Variants in HSPA4 observed in about 807,000 individuals in gnomAD.
The protein encoded by HSPA4 is heat shock 70 kDa protein 4.
In HSPA4, 25 loss-of-function variants were observed where a neutral mutation model predicts 106.2. That is an observed-to-expected ratio of 0.24 (90% confidence interval 0.17 to 0.33). HSPA4 has a LOEUF of 0.33. Ranked by LOEUF, HSPA4 falls within the 10% of genes least tolerant of loss-of-function variation. HSPA4 has a pLI of 1.00. For missense variants in HSPA4, 841 were observed against 996.0 expected (o/e 0.84, Z 2.10); for synonymous variants, 332 against 333.6 (o/e 1.00, Z 0.05).
intron 2 of HSPA4, among the ~76,000 whole-genome samples, chr5:133,067,118 A>G (rs1581467350): frequency 6.6e-6 from 1 of 152,294 alleles, no homozygotes. Context: ...TTTTATGTAA[A>G]TGTTTATTAG....
At chr5:133,062,652 C>G (rs1435515768) in intron 1 of HSPA4, among the ~76,000 whole-genome samples, 1 of 152,102 alleles carries the variant, frequency 6.6e-6, no homozygotes, top group African/African-American at 2.4e-5. Flanking sequence ...AAAGGCTGAG[C>G]TTGACACCTT....
At chr5:133,082,699 C>T (rs1011114478) in intron 7 of HSPA4, among the ~76,000 whole-genome samples, 2 of 152,104 alleles carry the variant, frequency 1.3e-5, no homozygotes, top group Admixed American at 6.6e-5. Flanking sequence ...TTCCTGAGCT[C>T]GGCCACCCTC....
intron 8 of HSPA4, 135 bp from the exon 9 acceptor site, chr5:133,088,269 A>G (rs911008968): frequency 3.0e-5 from 19 of 628,256 alleles, no homozygotes; most frequent in African/African-American, 2.8e-4. Context: ...GAGTGTGGGC[A>G]TGAGTATGTG....
At chr5:133,099,682 A>G (rs778637148) in intron 16 of HSPA4, 30 bp downstream of exon 16, 44 of 1,245,284 alleles carry the variant, frequency 3.5e-5, no homozygotes, top group Non-Finnish European at 4.9e-5. Context: ...AGAGGTATCC[A>G]GAACCCTTGT....
rs142141380 is a variant in HSPA4 at position 133,057,415 on chromosome 5, A to G, written c.107+5058A>G. ...ACTCTGTTGCTCAGGCTGGAGTGCA[A>G]TGGTGCAATCTTGGCTCACTGCAAC... On this transcript the variant is annotated intron_variant, in intron 1 of 18. Coordinates refer to ENST00000304858, the MANE Select transcript of HSPA4 (RefSeq NM_002154.4). 8.3e-3 allele frequency among the ~76,000 whole-genome samples: 1,245 copies of G among 150,780 alleles called. 11 individuals carry two copies. The highest frequency in any genetic ancestry group is 0.014 in the Non-Finnish European group (919 of 67,864).
At chr5:133,070,138 G>C (rs989882453) in intron 3 of HSPA4, among the ~76,000 whole-genome samples, 1 of 151,966 alleles carries the variant, frequency 6.6e-6, no homozygotes, top group African/African-American at 2.4e-5. Context: ...CGGCGCTCCA[G>C]AGAGAGAGAA....
chr5:133,074,946 A>G (rs1765428542), intron 6 of HSPA4, among the ~76,000 whole-genome samples: 3 of 152,302 alleles, frequency 2.0e-5, no homozygotes, highest in South Asian at 4.1e-4. Context: ...TTTGAATTGT[A>G]TATTAAAATT....
In HSPA4 at chr5:133,092,773, A is replaced by G. The variant is rs1765661575; in HGVS notation, c.1634A>G (p.Glu545Gly). 7.3e-7 allele frequency: 1 copy of G among 1,377,850 alleles called. No individual in the cohort carries two copies. Among genetic ancestry groups the G allele is most frequent in the Non-Finnish European group, 1.0e-6 (1 of 980,018 alleles). 85.4% of individuals were successfully genotyped at this position (1,377,850 alleles called of 1,614,324 possible). A position where few individuals can be genotyped will look rare whatever the true frequency, so the allele number is the denominator to read the frequency against. Residue 545 changes from glutamate (E) to glycine (G), a missense_variant, in exon 13 of 19, where the codon GAG (glutamate) becomes GGG (glycine). Around this residue, in one of 5 missense-constraint regions of HSPA4, gnomAD observed 328 missense variants for 372.2 expected, o/e 0.88. Transcript: ENST00000304858. ...QQQTPAENKAESEEMETSQAG... is the reference protein window; with the variant it reads ...QQQTPAENKAGSEEMETSQAG... ...CAGACACCAGCAGAAAATAAGGCAG[A>G]GTCTGAAGAAATGGAGGTATGCATT...
chr5:133,066,055 A>C (rs1263826060), intron 2 of HSPA4, among the ~76,000 whole-genome samples: 1 of 152,242 alleles, frequency 6.6e-6, no homozygotes, highest in East Asian at 1.9e-4. Flanking sequence ...TTTAGGAGAC[A>C]GCAGGTAGAA....
chr5:133,068,172 G>A (rs543945998), intron 3 of HSPA4, among the ~76,000 whole-genome samples: 6 of 152,260 alleles, frequency 3.9e-5, no homozygotes, highest in African/African-American at 1.2e-4. Flanking sequence ...GATTACAGGC[G>A]TGAGCCACCG....
At chr5:133,066,925 A>G (rs1215632713) in intron 2 of HSPA4, among the ~76,000 whole-genome samples, 2 of 152,164 alleles carry the variant, frequency 1.3e-5, no homozygotes, top group East Asian at 3.9e-4. Context: ...CATGTTGGTC[A>G]GGCTGGTCTC....
At chr5:133,057,882 A>G (rs1223855034) in intron 1 of HSPA4, among the ~76,000 whole-genome samples, 2 of 152,346 alleles carry the variant, frequency 1.3e-5, no homozygotes, top group South Asian at 2.1e-4. Flanking sequence ...GTTGTAATCA[A>G]TGTGGTTAAA....
At chr5:133,086,320 T>C (rs1312132138) in intron 7 of HSPA4, among the ~76,000 whole-genome samples, 3 of 152,256 alleles carry the variant, frequency 2.0e-5, no homozygotes, top group African/African-American at 4.8e-5. Flanking sequence ...TCTCTGGATA[T>C]ACCTATTCTG....
chr5:133,093,716 C>G lies in HSPA4; in HGVS notation c.1650+927C>G, dbSNP rs187362584. On this transcript the variant is annotated intron_variant, in intron 13 of 18. Coordinates refer to ENST00000304858, the MANE Select transcript of HSPA4 (RefSeq NM_002154.4). ...ATGTTGGCCAGGCTGGTGTTGAACTCCTGACCTCAAGTGATCCTCCCACTT... is the reference window on the plus strand; with the variant it reads ...ATGTTGGCCAGGCTGGTGTTGAACTGCTGACCTCAAGTGATCCTCCCACTT... Among the ~76,000 whole-genome samples the G allele has an allele frequency of 6.4e-3, 976 of 152,098 alleles. 16 individuals are homozygous for G. Among genetic ancestry groups the G allele is most frequent in the African/African-American group, 0.022 (930 of 41,514 alleles).
At chr5:133,073,911 A>ATATAACGAATGCAACTACATGTGTTATG in intron 5 of HSPA4, 82 bp from the exon 6 acceptor site, 1 of 926,870 alleles carries the variant, frequency 1.1e-6, no homozygotes, top group Non-Finnish European at 1.6e-6. Flanking sequence ...CATTCGTTAT[A>ATATAACGAATGCAACTACATGTGTTATG]TATAAAACCT....
At chr5:133,101,730 G>T (rs143547650) in intron 16 of HSPA4, 29 bp from the exon 17 acceptor site, 4 of 1,599,604 alleles carry the variant, frequency 2.5e-6, no homozygotes, top group Admixed American at 3.5e-5. Context: ...TTGAACTGCC[G>T]TATGAAGACT....
At chr5:133,081,887 A>C (rs1257907271) in intron 7 of HSPA4, among the ~76,000 whole-genome samples, 2 of 152,220 alleles carry the variant, frequency 1.3e-5, no homozygotes, top group African/African-American at 4.8e-5. Context: ...AAAAATCTGC[A>C]TCAAATTATC....
At chr5:133,093,076 C>T (rs941931137) in intron 13 of HSPA4, among the ~76,000 whole-genome samples, 1 of 151,390 alleles carries the variant, frequency 6.6e-6, no homozygotes, top group Non-Finnish European at 1.5e-5. Flanking sequence ...GGTGATCCAC[C>T]TGTCTTGTCC....
chr5:133,073,981 T>C lies in HSPA4; in HGVS notation c.530-12T>C, dbSNP rs1360205375. 3 of 1,547,796 alleles carry C rather than the reference T, an allele frequency of 1.9e-6. No individual in the cohort carries two copies. Among genetic ancestry groups the C allele is most frequent in the Admixed American group, 2.3e-5 (1 of 43,906 alleles). Reference sequence around the variant, plus strand: ...GACGTTATTTTTAATTTTTGTGTTTTTTCTTCTGTAGTTGCTCTTGCATAT... The same window carrying C: ...GACGTTATTTTTAATTTTTGTGTTTCTTCTTCTGTAGTTGCTCTTGCATAT... On this transcript the variant is annotated splice_polypyrimidine_tract_variant and intron_variant, in intron 5 of 18. Transcript: ENST00000304858.
Sources: gnomAD v4.1 joint callset for allele counts (sites outside exome capture counted in the v4.1 genomes callset) on GRCh38, gnomAD v4.1.1 for gene constraint, gnomAD v4.1.1 regional missense constraint, MANE v1.5 for transcripts, NCBI Gene and HGNC (gene_info 2026-07-23, HGNC 2026-07-21) for gene names.